The following RTL1 variants were observed in gnomAD, a reference collection of about 807,000 sequenced individuals.
The protein encoded by RTL1 is retrotransposon Gag like 1, also known as retrotransposon-like protein 1.
For missense variants in RTL1, 1,681 were observed against 1,767.5 expected (o/e 0.95, Z 0.88); for synonymous variants, 727 against 748.4 (o/e 0.97, Z 0.47).
chr14:100,885,124 T>C (rs557402784), intron 3 of RTL1, among the ~76,000 whole-genome samples: 5 of 152,346 alleles, frequency 3.3e-5, no homozygotes, highest in African/African-American at 9.6e-5. Flanking sequence ...TTTTCCTCCA[T>C]AGATGTGAGA....
chr14:100,883,130 G>T lies in RTL1; in HGVS notation c.1659C>A (p.Pro553=). ...ALERHGMSLL[P]GLPHPYSDLA... Reference sequence around the variant, plus strand: ...GGTCTGAGTATGGGTGTGGCAGTCCGGGTAGCAGGCTCATGCCGTGCCTCT... The same window carrying T: ...GGTCTGAGTATGGGTGTGGCAGTCCTGGTAGCAGGCTCATGCCGTGCCTCT... The change falls in exon 4 of 4, where the codon CCC becomes CCA. Residue 553 remains proline (P), a synonymous_variant. Coordinates refer to ENST00000649591, the MANE Select transcript of RTL1 (RefSeq NM_001134888.3). The surrounding 1 kb of genome is among the most constrained non-coding windows in gnomAD (Gnocchi z 5.9). 1 of 1,610,712 alleles carries T rather than the reference G, an allele frequency of 6.2e-7. No individual in the cohort carries two copies. Among genetic ancestry groups the T allele is most frequent in the Non-Finnish European group, 8.5e-7 (1 of 1,178,248 alleles).
At chr14:100,887,749 CA>C (rs34761296) in intron 3 of RTL1, among the ~76,000 whole-genome samples, 15 of 146,848 alleles carry the variant, frequency 1.0e-4, no homozygotes, top group Non-Finnish European at 1.8e-4. Context: ...GATTCCCTCT[CA>C]AAAAAAAAAC....
At chr14:100,895,030 G>A (rs2038835552) in intron 2 of RTL1, 1 of 152,248 alleles carries the variant, frequency 6.6e-6, no homozygotes, top group Non-Finnish European at 1.5e-5. Flanking sequence ...CTCGCTTGGT[G>A]CCCTGACAGG....
chr14:100,883,804 C>A lies in RTL1; in HGVS notation c.985G>T (p.Gly329Trp). The A allele has an allele frequency of 6.4e-7, 1 of 1,551,694 alleles. No individual in the cohort carries two copies. ...DEVLQAHLCQ[G>W]LNEEIRHYLF... is the part of the protein sequence containing the mutation. ...TAGTGCCTGATCTCCTCGTTGAGCC[C>A]CTGGCACAAGTGGGCCTGCAGGACT... The change falls in exon 4 of 4, where the codon GGG becomes TGG. Residue 329 changes from glycine (G) to tryptophan (W), a missense_variant. Gly to Trp is a radical substitution (Grantham distance 184). Coordinates refer to ENST00000649591, the MANE Select transcript of RTL1 (RefSeq NM_001134888.3). This position sits in a 1 kb window ranked among gnomAD's most constrained non-coding sequence, Gnocchi z 5.9.
intron 3 of RTL1, among the ~76,000 whole-genome samples, chr14:100,886,020 G>A (rs1404520448): frequency 1.3e-5 from 2 of 152,070 alleles, no homozygotes; most frequent in African/African-American, 4.8e-5. Context: ...ATCTAGTGTT[G>A]GGTGGTTTTA....
At chr14:100,901,546 A>C (rs2038941943) in intron 2 of RTL1, among the ~76,000 whole-genome samples, 1 of 152,168 alleles carries the variant, frequency 6.6e-6, no homozygotes, top group African/African-American at 2.4e-5. Flanking sequence ...TCATGAGTCC[A>C]CTGAACATGT....
intron 2 of RTL1, among the ~76,000 whole-genome samples, chr14:100,896,922 G>C (rs891429744): frequency 6.6e-6 from 1 of 152,142 alleles, no homozygotes; most frequent in Non-Finnish European, 1.5e-5. Context: ...ATTCCCCCAA[G>C]GTCTCATTCC....
At chr14:100,890,569 G>A (rs1328476582) in intron 3 of RTL1, among the ~76,000 whole-genome samples, 1 of 151,954 alleles carries the variant, frequency 6.6e-6, no homozygotes, top group African/African-American at 2.4e-5. Flanking sequence ...GATGGAAAGG[G>A]GAGTAAGGGA....
At chr14:100,890,345 CCTCT>C (rs931047928) in intron 3 of RTL1, among the ~76,000 whole-genome samples, 5 of 151,600 alleles carry the variant, frequency 3.3e-5, no homozygotes, top group African/African-American at 1.2e-4. Context: ...TCAGCAAATA[CCTCT>C]CTCTGTCAGC....
intron 2 of RTL1, among the ~76,000 whole-genome samples, chr14:100,900,402 G>A (rs1473728148): frequency 6.6e-6 from 1 of 152,216 alleles, no homozygotes; most frequent in African/African-American, 2.4e-5. Context: ...CAAAGGCTCC[G>A]CTCTCCGAAA....
Position 100,903,657 on chromosome 14 carries a change from G to A in RTL1, c.-297C>T, listed in dbSNP as rs1002633613. Among the ~76,000 whole-genome samples the A allele has an allele frequency of 6.6e-6, 1 of 152,168 alleles. No homozygotes were observed. Among genetic ancestry groups the A allele is most frequent in the African/African-American group, 2.4e-5 (1 of 41,436 alleles). On this transcript the variant is annotated 5_prime_UTR_variant, in exon 1 of 4. Coordinates refer to ENST00000649591, the MANE Select transcript of RTL1 (RefSeq NM_001134888.3). ...CAGGATGGAACCCCAGACTCTCCGA[G>A]GCTCCCCACCACACCCTGCTGCTGA...
chr14:100,888,710 A>G (rs546156973), intron 3 of RTL1, among the ~76,000 whole-genome samples: 294 of 152,360 alleles, frequency 1.9e-3, no homozygotes, highest in African/African-American at 6.9e-3. Flanking sequence ...CTCTGTTAGA[A>G]AGTTTTATTG....
intron 2 of RTL1, among the ~76,000 whole-genome samples, chr14:100,902,097 C>T (rs984014573): frequency 1.3e-5 from 2 of 152,204 alleles, no homozygotes; most frequent in Non-Finnish European, 1.5e-5. Flanking sequence ...TCTCTCCCCT[C>T]GGATGCCTCC....
chr14:100,882,029 C>T lies in RTL1; in HGVS notation c.2760G>A (p.Ala920=), dbSNP rs577019146. The change falls in exon 4 of 4, where the codon GCG becomes GCA. Residue 920 remains alanine (A), a synonymous_variant. Coordinates refer to ENST00000649591, the MANE Select transcript of RTL1 (RefSeq NM_001134888.3). ...ISPIEVEYSQ[A]EMKILPIRAA... ...CCCGTATTGGAAGAATCTTCATCTC[C>T]GCTTGAGAGTACTCAACCTCGATAG... is the stretch of plus-strand genomic sequence containing the variant. 94 of 1,613,600 alleles carry T rather than the reference C, an allele frequency of 5.8e-5. No individual in the cohort carries two copies. In the South Asian group the frequency reaches 8.1e-4, roughly 14 times the overall value.
At chr14:100,892,075 G>A (rs938513247) in intron 3 of RTL1, among the ~76,000 whole-genome samples, 5 of 152,196 alleles carry the variant, frequency 3.3e-5, no homozygotes, top group Non-Finnish European at 5.9e-5. Context: ...TCTGAGCAAT[G>A]GTTGAAAGCA....
chr14:100,880,989 G>A lies in RTL1; in HGVS notation c.3800C>T (p.Ala1267Val). Residue 1267 changes from alanine (A) to valine (V), a missense_variant, in exon 4 of 4, where the codon GCC becomes GTC. Physicochemically the swap from Ala to Val is moderately conservative, Grantham distance 64 (BLOSUM62 0). Coordinates refer to ENST00000649591, the MANE Select transcript of RTL1 (RefSeq NM_001134888.3). ...GGTGGCTGCTGTGTGGCTGGGTGGG[G>A]CCTCCTGCACGTCGTTGTCCTGCTT... ...QDKQDNDVQEAPPSHTAATHP... is the reference protein window; with the variant it reads ...QDKQDNDVQEVPPSHTAATHP... The A allele has an allele frequency of 1.3e-6, 2 of 1,562,190 alleles. No individual in the cohort carries two copies. Among genetic ancestry groups the A allele is most frequent in the Non-Finnish European group, 1.7e-6 (2 of 1,154,044 alleles).
intron 3 of RTL1, among the ~76,000 whole-genome samples, chr14:100,888,378 A>G (rs2038722566): frequency 6.6e-6 from 1 of 152,172 alleles, no homozygotes; most frequent in African/African-American, 2.4e-5. Flanking sequence ...TTAACACAAA[A>G]TGCGACATTT....
In RTL1 at chr14:100,881,825, G is replaced by A. The variant is rs774039568; in HGVS notation, c.2964C>T (p.Asp988=). The A allele has an allele frequency of 9.3e-6, 15 of 1,613,810 alleles. No individual in the cohort carries two copies. The African/African-American group carries it at 1.5e-4, about 16-fold the overall frequency. The change falls in exon 4 of 4, where the codon GAC becomes GAT. Residue 988 remains aspartate (D), a synonymous_variant. Coordinates refer to ENST00000649591, the MANE Select transcript of RTL1 (RefSeq NM_001134888.3). The surrounding 1 kb of genome is among the most constrained non-coding windows in gnomAD (Gnocchi z 6.6). The part of the protein sequence containing the change: ...NFDVMELPEQ[D]GGRALPPVRN... Reference sequence around the variant, plus strand: ...TCACAGGTGGCAGAGCTCGGCCGCCGTCTTGTTCTGGCAGCTCCATGACGT... The same window carrying A: ...TCACAGGTGGCAGAGCTCGGCCGCCATCTTGTTCTGGCAGCTCCATGACGT...
intron 2 of RTL1, among the ~76,000 whole-genome samples, chr14:100,895,758 G>T (rs1000912587): frequency 6.6e-6 from 1 of 152,164 alleles, no homozygotes; most frequent in African/African-American, 2.4e-5. Context: ...TCTGGGCACT[G>T]CATTTTTATT....
Sources: allele counts gnomAD v4.1 joint callset (sites outside exome capture counted in the v4.1 genomes callset), GRCh38; gene constraint gnomAD v4.1.1; non-coding constraint Gnocchi (gnomAD v3.1); transcripts MANE v1.5; gene names NCBI Gene and HGNC (gene_info 2026-07-23, HGNC 2026-07-21).